The following SCAF11 variants were observed in gnomAD, a reference collection of about 807,000 sequenced individuals.
SCAF11 encodes SR-related CTD associated factor 11.
A neutral mutation model predicts 140.5 loss-of-function variants in SCAF11; 47 were observed. That is an observed-to-expected ratio of 0.33 (90% CI 0.26 to 0.43). The LOEUF is 0.43. Ranked by LOEUF, SCAF11 falls within the 20% of genes least tolerant of loss-of-function variation. The probability of loss-of-function intolerance (pLI) is 1.00; values close to 1 mark genes in which losing one functional copy is unlikely to be tolerated. For synonymous variants in SCAF11, 557 were observed against 579.4 expected (o/e 0.96, Z 0.55); for missense variants, 1,645 against 1,705.1 (o/e 0.96, Z 0.62).
intron 9 of SCAF11, among the ~76,000 whole-genome samples, chr12:45,932,112 A>AG (rs1945059007): frequency 6.6e-6 from 1 of 152,052 alleles, no homozygotes; most frequent in African/African-American, 2.4e-5. Flanking sequence ...CCCCCTAGAA[A>AG]GTGTCCTCAC....
intron 8 of SCAF11, 142 bp downstream of exon 8, chr12:45,934,034 C>G (rs868304010): frequency 3.8e-6 from 2 of 531,708 alleles, no homozygotes; most frequent in Non-Finnish European, 6.6e-6. Context: ...TACCTTCCCC[C>G]CCGCCCAAAA....
intron 1 of SCAF11, among the ~76,000 whole-genome samples, chr12:45,979,345 G>C (rs1034780802): frequency 6.6e-6 from 1 of 151,902 alleles, no homozygotes; most frequent in East Asian, 1.9e-4. Context: ...GGGAGAATTA[G>C]TGAAAATAAA....
chr12:45,957,610 G>T (rs7298703), intron 3 of SCAF11, among the ~76,000 whole-genome samples: 1 of 151,748 alleles, frequency 6.6e-6, no homozygotes, highest in African/African-American at 2.4e-5. Context: ...ATACAAAATG[G>T]GTGATTTTGT....
intron 6 of SCAF11, among the ~76,000 whole-genome samples, chr12:45,939,867 T>C (rs1489094448): frequency 1.3e-5 from 2 of 152,272 alleles, no homozygotes; most frequent in Non-Finnish European, 1.5e-5. Context: ...GGCTATATCA[T>C]GGTTTCTGTT....
intron 10 of SCAF11, among the ~76,000 whole-genome samples, chr12:45,930,562 T>C (rs540759023): frequency 5.3e-5 from 8 of 149,536 alleles, no homozygotes; most frequent in Non-Finnish European, 1.2e-4. Context: ...TTCACAACAC[T>C]TGAGTACACC....
At position 45,961,813 on chromosome 12, in the gene SCAF11, T is replaced by C. The variant is rs367743841; in HGVS notation, c.106A>G (p.Ser36Gly). 5.4e-5 allele frequency: 87 copies of C among 1,612,366 alleles called. No homozygotes were observed. Among genetic ancestry groups the C allele is most frequent in the Non-Finnish European group, 6.7e-5 (79 of 1,179,190 alleles). The change falls in exon 3 of 15, where the codon AGT (serine) becomes GGT (glycine). Residue 36 changes from serine to glycine, a missense_variant. By Grantham distance (56) the Ser-to-Gly change is moderately conservative (BLOSUM62 0). This residue lies in a region of SCAF11 where 1,582 missense variants were observed against 1,609.2 expected (regional missense o/e 0.98). Transcript: ENST00000369367. ...CATATTGGGCATCTGTCAGCCTCAC[T>C]GTACAACAGACCAGTGGAAATAGTA... ...DNTISTGLLY[S>G]EADRCPICLN...
intron 6 of SCAF11, among the ~76,000 whole-genome samples, chr12:45,938,062 C>G (rs902816197): frequency 2.0e-5 from 3 of 152,202 alleles, no homozygotes; most frequent in African/African-American, 4.8e-5. Context: ...CATGAAATGT[C>G]TATGTATCAG....
At chr12:45,956,244 A>C (rs1156797000) in intron 3 of SCAF11, 2 of 698,622 alleles carry the variant, frequency 2.9e-6, no homozygotes, top group African/African-American at 1.8e-5. Context: ...ACTAAATCTC[A>C]ATACCTATGT....
At chr12:45,925,238 T>A (rs1565656733) in intron 11 of SCAF11, among the ~76,000 whole-genome samples, 164 bp from the exon 12 acceptor site, 1 of 152,172 alleles carries the variant, frequency 6.6e-6, no homozygotes, top group Non-Finnish European at 1.5e-5. Flanking sequence ...TTCTAAATAA[T>A]GTGGACTGAC....
chr12:45,959,191 C>T (rs1467329542), intron 3 of SCAF11, among the ~76,000 whole-genome samples: 1 of 151,828 alleles, frequency 6.6e-6, no homozygotes, highest in Non-Finnish European at 1.5e-5. Flanking sequence ...ATCGCTTGGC[C>T]TGGGAGGCAG....
In SCAF11 at chr12:45,921,347, G is replaced by A. The variant is rs1158380153; in HGVS notation, c.*701C>T. On this transcript the variant is annotated 3_prime_UTR_variant, in exon 15 of 15. Transcript: ENST00000369367. Reference sequence around the variant, plus strand: ...TCAACAAAGACTTTGAACTGCCAAAGTTGTAATCTAGTAAGTCAAACTGCT... The same window carrying A: ...TCAACAAAGACTTTGAACTGCCAAAATTGTAATCTAGTAAGTCAAACTGCT... 6.6e-6 allele frequency: 1 copy of A among 152,612 alleles called. No individual in the cohort carries two copies. The highest frequency in any genetic ancestry group is 1.5e-5 in the Non-Finnish European group (1 of 68,044). The allele number at this position is 152,612 out of a possible 1,614,324, so 9.5% of individuals were successfully genotyped here. A position where few individuals can be genotyped will look rare whatever the true frequency, so the allele number is the denominator to read the frequency against.
intron 1 of SCAF11, among the ~76,000 whole-genome samples, chr12:45,982,148 C>A (rs1033634921): frequency 4.8e-4 from 73 of 152,142 alleles, no homozygotes; most frequent in African/African-American, 1.7e-3. Context: ...GAAGCTATTT[C>A]GTTTCATCCA....
At position 45,936,530 on chromosome 12, in the gene SCAF11, AC is replaced by A. The variant is rs1945177415; in HGVS notation, c.464-2026del. Among the ~76,000 whole-genome samples the A allele has an allele frequency of 5.9e-5, 9 of 152,196 alleles. No individual in the cohort carries two copies. The South Asian group carries it at 1.9e-3, about 32-fold the overall frequency. ...TTATTATCCATCATTAATTTAGCTA[AC>A]TACAACAAAAGTATAAATCTGAGTT... On this transcript the variant is annotated intron_variant, in intron 6 of 14. Transcript: ENST00000369367.
intron 6 of SCAF11, among the ~76,000 whole-genome samples, chr12:45,938,583 C>T (rs1945224414): frequency 6.6e-6 from 1 of 152,004 alleles, no homozygotes; most frequent in African/African-American, 2.4e-5. Flanking sequence ...GGGATCACAG[C>T]ATTAAACAAG....
Position 45,951,708 on chromosome 12 carries a change from A to G in SCAF11, c.239T>C (p.Ile80Thr). The change falls in exon 4 of 15, where the codon ATT becomes ACT. Residue 80 changes from isoleucine to threonine, a missense_variant. This residue lies in a region of SCAF11 where 1,582 missense variants were observed against 1,609.2 expected (regional missense o/e 0.98). Transcript: ENST00000369367. ...KWAETLASCPIDRKPFQAVFK... is the reference protein window; with the variant it reads ...KWAETLASCPTDRKPFQAVFK... ...CACTGCCTGAAAAGGTTTACGGTCA[A>G]TAGGACATGAAGCCAGTGTCTGAAA... The G allele has an allele frequency of 1.9e-6, 3 of 1,590,482 alleles. No homozygotes were observed. The highest frequency in any genetic ancestry group is 2.6e-6 in the Non-Finnish European group (3 of 1,164,930).
At chr12:45,939,788 C>A (rs376796409) in intron 6 of SCAF11, among the ~76,000 whole-genome samples, 1 of 152,114 alleles carries the variant, frequency 6.6e-6, no homozygotes, top group African/African-American at 2.4e-5. Context: ...ACCAATCAAT[C>A]CTAGATAAAG....
At chr12:45,974,178 A>G (rs1176287453) in intron 1 of SCAF11, 1 of 470,864 alleles carries the variant, frequency 2.1e-6, no homozygotes, top group South Asian at 1.5e-5. Context: ...TACATACTTG[A>G]TTTAAAAATA....
Position 45,982,394 on chromosome 12 carries a change from C to T in SCAF11, c.-22+7959G>A, listed in dbSNP as rs547366606. On this transcript the variant is annotated intron_variant, in intron 1 of 14. Coordinates refer to ENST00000369367, the MANE Select transcript of SCAF11 (RefSeq NM_004719.3). ...TCTAGGCATACAAAATAGTGCTATA[C>T]GTATATTTACATTAAAAAATCACCT... 2.6e-4 allele frequency among the ~76,000 whole-genome samples: 40 copies of T among 152,180 alleles called. 1 individual carries two copies. The highest frequency in any genetic ancestry group is 1.6e-3 in the Admixed American group (24 of 15,272).
intron 1 of SCAF11, among the ~76,000 whole-genome samples, chr12:45,981,327 A>G (rs1385333245): frequency 1.3e-5 from 2 of 152,196 alleles, no homozygotes; most frequent in African/African-American, 2.4e-5. Context: ...ACTCATCCCT[A>G]AAACAAACTA....
Sources: gnomAD v4.1 joint callset for allele counts (sites outside exome capture counted in the v4.1 genomes callset) on GRCh38, gnomAD v4.1.1 for gene constraint, gnomAD v4.1.1 regional missense constraint, MANE v1.5 for transcripts, NCBI Gene and HGNC (gene_info 2026-07-23, HGNC 2026-07-21) for gene names.